The following FNDC3A variants were observed in gnomAD, a reference collection of about 807,000 sequenced individuals.
FNDC3A encodes fibronectin type-III domain-containing protein 3A.
A neutral mutation model predicts 148.9 loss-of-function variants in FNDC3A; 32 were observed. The observed-to-expected ratio is 0.21, with a 90% CI of 0.16 to 0.29. The LOEUF (loss-of-function observed/expected upper bound fraction) is 0.29. FNDC3A is among the 10% of genes least tolerant of loss of function. The pLI is 1.00. For synonymous variants in FNDC3A, 472 were observed against 473.6 expected, an observed-to-expected ratio of 1.00 and a Z score of 0.04; for missense variants, 1,191 against 1,452.8, an observed-to-expected ratio of 0.82 and a Z score of 2.93.
chr13:49,019,488 C>T (rs1298870804), intron 2 of FNDC3A, among the ~76,000 whole-genome samples: 1 of 152,208 alleles, frequency 6.6e-6, no homozygotes, highest in Non-Finnish European at 1.5e-5. Flanking sequence ...ACCCACTGAC[C>T]TGCGCCCACT....
At chr13:49,139,873 A>G (rs1882592123) in intron 7 of FNDC3A, among the ~76,000 whole-genome samples, 1 of 152,202 alleles carries the variant, frequency 6.6e-6, no homozygotes, top group South Asian at 2.1e-4. Context: ...GTGAGTTTCA[A>G]TTAGTAGTAG....
intron 2 of FNDC3A, among the ~76,000 whole-genome samples, chr13:49,033,637 T>G (rs1182924214): frequency 6.6e-6 from 1 of 151,888 alleles, no homozygotes; most frequent in Non-Finnish European, 1.5e-5. Flanking sequence ...AGCAGTTGAA[T>G]GAAAAAAAAT....
At chr13:49,045,356 G>A (rs2137697346) in intron 2 of FNDC3A, 1 of 158,170 alleles carries the variant, frequency 6.3e-6, no homozygotes, top group South Asian at 1.9e-4. Flanking sequence ...GTTTCACCAT[G>A]TTGCCCAGGT....
At position 49,001,701 on chromosome 13, in the gene FNDC3A, C is replaced by T. The variant is rs9596050; in HGVS notation, c.-39-4451C>T. Among the ~76,000 whole-genome samples, 570 of 152,230 alleles carry T rather than the reference C, an allele frequency of 3.7e-3. 3 individuals carry two copies. The highest frequency in any genetic ancestry group is 0.013 in the African/African-American group (536 of 41,528). ...CCCAGTCTCCCATAGAGCTCCCAGGCTTATTAGGATGAGGAAATTCTCACC... is the reference window on the plus strand; with the variant it reads ...CCCAGTCTCCCATAGAGCTCCCAGGTTTATTAGGATGAGGAAATTCTCACC... On this transcript the variant is annotated intron_variant, in intron 1 of 25. Transcript: ENST00000492622.
At chr13:49,034,014 T>C (rs895816801) in intron 2 of FNDC3A, among the ~76,000 whole-genome samples, 56 of 152,144 alleles carry the variant, frequency 3.7e-4, no homozygotes, top group African/African-American at 1.3e-3. Flanking sequence ...AAATTATTTA[T>C]AAATGAAGTT....
At chr13:48,983,547 C>T (rs144009900) in intron 1 of FNDC3A, among the ~76,000 whole-genome samples, 144 of 152,302 alleles carry the variant, frequency 9.5e-4, no homozygotes, top group African/African-American at 3.2e-3. Flanking sequence ...TATTAAACTT[C>T]ATTTACGAAA....
At chr13:49,139,467 TTG>T (rs1882570042) in intron 7 of FNDC3A, among the ~76,000 whole-genome samples, 2 of 152,304 alleles carry the variant, frequency 1.3e-5, no homozygotes, top group South Asian at 2.1e-4. Flanking sequence ...CAAAAATACT[TTG>T]TTTTTCTGAG....
rs369038103 is a variant in FNDC3A, at chr13:49,022,807, C to A, written c.99+16518C>A. 7.9e-5 allele frequency among the ~76,000 whole-genome samples: 12 copies of A among 152,210 alleles called. No homozygotes were observed. The East Asian group carries it at 2.3e-3, about 29-fold the overall frequency. ...TTTTTCAATTAGTTTTTTTCTCCCA[C>A]ACGTCTGCACCATGCCACTTTCTGT... On this transcript the variant is annotated intron_variant, in intron 2 of 25. Transcript: ENST00000492622.
At chr13:49,009,445 G>C (rs1394198646) in intron 2 of FNDC3A, among the ~76,000 whole-genome samples, 1 of 152,182 alleles carries the variant, frequency 6.6e-6, no homozygotes, top group African/African-American at 2.4e-5. Flanking sequence ...ATTTTTGAGT[G>C]TACATAAGTT....
intron 8 of FNDC3A, among the ~76,000 whole-genome samples, chr13:49,161,007 T>G (rs561132872): frequency 3.3e-4 from 50 of 152,322 alleles, no homozygotes; most frequent in African/African-American, 1.2e-3. Context: ...ATTTCTGTTC[T>G]TTTACATTTG....
intron 14 of FNDC3A, among the ~76,000 whole-genome samples, chr13:49,181,165 G>C (rs1365850792): frequency 6.6e-6 from 1 of 152,200 alleles, no homozygotes; most frequent in Admixed American, 6.5e-5. Flanking sequence ...TATACAGTCA[G>C]AATCTCCAAG....
At chr13:49,032,819 C>A (rs1874222164) in intron 2 of FNDC3A, among the ~76,000 whole-genome samples, 1 of 151,962 alleles carries the variant, frequency 6.6e-6, no homozygotes, top group Non-Finnish European at 1.5e-5. Flanking sequence ...GTACAGTTCT[C>A]TGTGTATACT....
At chr13:49,110,174 A>G (rs1488358300) in intron 3 of FNDC3A, 8 of 450,678 alleles carry the variant, frequency 1.8e-5, no homozygotes, top group East Asian at 1.0e-4. Flanking sequence ...TTTTTCCCCT[A>G]TATCAGAAAT....
intron 2 of FNDC3A, among the ~76,000 whole-genome samples, chr13:49,050,745 A>G (rs1313349436): frequency 6.6e-6 from 1 of 152,098 alleles, no homozygotes; most frequent in Non-Finnish European, 1.5e-5. Flanking sequence ...TGGAGTATTA[A>G]AGTTCTCCAC....
intron 19 of FNDC3A, among the ~76,000 whole-genome samples, chr13:49,194,353 G>A (rs546785414): frequency 6.6e-6 from 1 of 152,254 alleles, no homozygotes; most frequent in East Asian, 1.9e-4. Context: ...AAAACTATCT[G>A]CCATAGTTCA....
At chr13:49,039,307 G>A (rs1874740987) in intron 2 of FNDC3A, among the ~76,000 whole-genome samples, 1 of 152,040 alleles carries the variant, frequency 6.6e-6, no homozygotes, top group African/African-American at 2.4e-5. Flanking sequence ...TTTAAAATCT[G>A]GATTGTACTA....
intron 2 of FNDC3A, among the ~76,000 whole-genome samples, chr13:49,033,181 G>T (rs570165991): frequency 6.6e-6 from 1 of 152,106 alleles, no homozygotes; most frequent in African/African-American, 2.4e-5. Context: ...TAAAAATGTG[G>T]CTTTAAAATA....
chr13:49,172,062 C>A lies in FNDC3A; in HGVS notation c.1196C>A (p.Ser399Tyr). 1 of 1,605,240 alleles carries A rather than the reference C, an allele frequency of 6.2e-7. No homozygotes were observed. Among genetic ancestry groups the A allele is most frequent in the Non-Finnish European group, 8.5e-7 (1 of 1,175,362 alleles). ...TTTTAGGCACCTAGTGACAATGGTTCTAAAATCCAAAACTTTGTATTAGAA... is the reference window on the plus strand; with the variant it reads ...TTTTAGGCACCTAGTGACAATGGTTATAAAATCCAAAACTTTGTATTAGAA... The part of the protein sequence containing the change: ...LQWKAPSDNG[S>Y]KIQNFVLEWD... Residue 399 changes from serine (S) to tyrosine (Y), a missense_variant, in exon 11 of 26, where the codon TCT becomes TAT. By Grantham distance (144) the Ser-to-Tyr change is moderately radical. This residue lies in a region of FNDC3A where 14 missense variants were observed against 35.5 expected (regional missense o/e 0.39). Transcript: ENST00000492622.
intron 2 of FNDC3A, among the ~76,000 whole-genome samples, chr13:49,033,901 AAT>A (rs1874309117): frequency 1.3e-5 from 2 of 152,042 alleles, no homozygotes; most frequent in South Asian, 2.1e-4. Flanking sequence ...TTATTAAATC[AAT>A]AGTTATAGAT....
Sources: gnomAD v4.1 joint callset for allele counts (sites outside exome capture counted in the v4.1 genomes callset) on GRCh38, gnomAD v4.1.1 for gene constraint, gnomAD v4.1.1 regional missense constraint, MANE v1.5 for transcripts, NCBI Gene and HGNC (gene_info 2026-07-23, HGNC 2026-07-21) for gene names.